The following CORO1B variants were observed in gnomAD, a reference collection of about 807,000 sequenced individuals.
CORO1B encodes the protein coronin 1B.
CORO1B carries 30 observed loss-of-function variants against 51.1 expected under a neutral mutation model. The ratio of observed to expected loss-of-function variants is 0.59; its 90% CI spans 0.44 to 0.80. The LOEUF (loss-of-function observed/expected upper bound fraction) is 0.80, where lower values mean the gene tolerates loss of function less well. Among genes scored for constraint, CORO1B ranks in the 30% least tolerant of loss-of-function variants. The pLI, the probability that CORO1B is intolerant of heterozygous loss-of-function variation, is 0.00. For synonymous variants in CORO1B, 310 were observed against 289.7 expected, an observed-to-expected ratio of 1.07 and a Z score of -0.71; for missense variants, 648 against 700.4, an observed-to-expected ratio of 0.93 and a Z score of 0.84.
Position 67,441,956 on chromosome 11 carries a change from T to C in CORO1B, c.324+10A>G. ...CCCACGACCCTGGCCCAGCCAGTCC[T>C]GTGCCTCACCATGACCGTGCAGTCC... On this transcript the variant is annotated intron_variant, in intron 3 of 10. Coordinates refer to ENST00000341356, the MANE Select transcript of CORO1B (RefSeq NM_020441.3). 6.2e-7 allele frequency: 1 copy of C among 1,613,118 alleles called. No homozygotes were observed. Among genetic ancestry groups the C allele is most frequent in the Non-Finnish European group, 8.5e-7 (1 of 1,179,986 alleles).
chr11:67,440,450 G>A lies in CORO1B; in HGVS notation c.757-11C>T, dbSNP rs1465597905. ...TTCCTCGAGGTTTTCCTGGCACATT[G>A]CAGGCAGTCAGGCCAAGCAGAACCT... On this transcript the variant is annotated splice_polypyrimidine_tract_variant and intron_variant, in intron 6 of 10. Transcript: ENST00000341356. 1 of 1,612,796 alleles carries A rather than the reference G, an allele frequency of 6.2e-7. No homozygotes were observed.
chr11:67,440,652 T>G, intron 6 of CORO1B: 1 of 687,236 alleles, frequency 1.5e-6, no homozygotes, highest in Admixed American at 2.1e-5. Flanking sequence ...TCCAGCCTCC[T>G]CCAGGCCTTA....
intron 9 of CORO1B, 133 bp from the exon 10 acceptor site, chr11:67,439,082 T>A: frequency 9.6e-7 from 1 of 1,039,386 alleles, no homozygotes; most frequent in Non-Finnish European, 1.4e-6. Flanking sequence ...ATCTGGCCTT[T>A]AACTTCCTTT....
In CORO1B at chr11:67,439,851, T is replaced by C. The variant is rs541854415; in HGVS notation, c.1008-8A>G. ...TCATGCAGTTTGTAGAACCTGGGGATGCAAGGAGGAGCCACGGGTGGAACC... is the reference window on the plus strand; with the variant it reads ...TCATGCAGTTTGTAGAACCTGGGGACGCAAGGAGGAGCCACGGGTGGAACC... On this transcript the variant is annotated splice_polypyrimidine_tract_variant and splice_region_variant and intron_variant, in intron 8 of 10. Coordinates refer to ENST00000341356, the MANE Select transcript of CORO1B (RefSeq NM_020441.3). 2.0e-5 allele frequency: 32 copies of C among 1,571,854 alleles called. No individual in the cohort carries two copies. The highest frequency in any genetic ancestry group is 2.8e-5 in the Non-Finnish European group (32 of 1,158,728).
Position 67,435,650 on chromosome 11 carries a change from G to T in CORO1B, c.*2726C>A. ...TGAGGCATGGTCATGTGGGCTGGGGGTCCAGTCCAGCCATGGCATCTTGGG... is the reference window on the plus strand; with the variant it reads ...TGAGGCATGGTCATGTGGGCTGGGGTTCCAGTCCAGCCATGGCATCTTGGG... On this transcript the variant is annotated 3_prime_UTR_variant, in exon 11 of 11. Coordinates refer to ENST00000341356, the MANE Select transcript of CORO1B (RefSeq NM_020441.3). 6.7e-7 allele frequency: 1 copy of T among 1,482,000 alleles called. No homozygotes were observed. Among genetic ancestry groups the T allele is most frequent in the South Asian group, 1.4e-5 (1 of 73,650 alleles). The allele number at this position is 1,482,000 out of a possible 1,614,324, so 91.8% of individuals were successfully genotyped here.
At chr11:67,439,033 A>T (rs572790581) in intron 9 of CORO1B, 84 bp from the exon 10 acceptor site, 1 of 1,435,270 alleles carries the variant, frequency 7.0e-7, no homozygotes, top group African/African-American at 1.4e-5. Flanking sequence ...CCAGGCTTGC[A>T]CTCTGTTAAC....
Position 67,442,536 on chromosome 11 carries a change from C to T in CORO1B, c.93G>A (p.Val31=). Residue 31 remains valine (V), a synonymous_variant, in exon 2 of 11, where the codon GTG becomes GTA. Transcript: ENST00000341356. The stretch of plus-strand genomic sequence containing the variant: ...AGGTGCTGTCCCAGGTAACACGGGA[C>T]ACGCGAATGTCCTCATAGCACTGGT... The part of the protein sequence containing the change: ...KNDQCYEDIR[V]SRVTWDSTFC... The T allele has an allele frequency of 6.2e-7, 1 of 1,613,838 alleles. No individual in the cohort carries two copies. Among genetic ancestry groups the T allele is most frequent in the South Asian group, 1.1e-5 (1 of 91,090 alleles).
upstream of CORO1B, chr11:67,443,719 CGCAGAGGCGCCGCAGGTGCGGGT>C: frequency 1.0e-6 from 1 of 985,114 alleles, no homozygotes; most frequent in South Asian, 4.7e-5. Context: ...CGGCGGCCGC[CGCAGAGGCGCCGCAGGTGCGGGT>C]GCAGCCTTAC....
rs756388414 is a variant in CORO1B at position 67,437,632 on chromosome 11, C to T, written c.*744G>A. On this transcript the variant is annotated 3_prime_UTR_variant, in exon 11 of 11. Coordinates refer to ENST00000341356, the MANE Select transcript of CORO1B (RefSeq NM_020441.3). The stretch of plus-strand genomic sequence containing the variant: ...CGAGGCTTACCATTGGTCCGCAGGC[C>T]CCTCCGTGCCGGGCACCCACCTCCA... 9.8e-5 allele frequency: 134 copies of T among 1,365,792 alleles called. 2 individuals are homozygous for T. The East Asian group carries it at 3.7e-3, about 38-fold the overall frequency. 84.6% of individuals were successfully genotyped at this position (1,365,792 alleles called of 1,614,324 possible). A position where few individuals can be genotyped will look rare whatever the true frequency, so the allele number is the denominator to read the frequency against.
At chr11:67,440,536 A>C in intron 6 of CORO1B, 97 bp from the exon 7 acceptor site, 1 of 1,108,686 alleles carries the variant, frequency 9.0e-7, no homozygotes, top group Non-Finnish European at 1.3e-6. Context: ...GCCAGCCAGC[A>C]CTGCCCCTAA....
chr11:67,441,545 G>A (rs781156261), intron 4 of CORO1B, 31 bp from the exon 5 acceptor site: 3 of 1,600,150 alleles, frequency 1.9e-6, no homozygotes, highest in Non-Finnish European at 2.6e-6. Flanking sequence ...GCTCGGGCCG[G>A]GTGGGTGGCA....
chr11:67,442,639 CAG>C lies in CORO1B; in HGVS notation c.-2-11_-2-10del. ...TTTGCGGAAGGACATGTCTGCGGGA[CAG>C]AGAGGCCTGGGTCAGTCCGGCCCAT... is the stretch of plus-strand genomic sequence containing the variant. On this transcript the variant is annotated splice_polypyrimidine_tract_variant and intron_variant, in intron 1 of 10. Coordinates refer to ENST00000341356, the MANE Select transcript of CORO1B (RefSeq NM_020441.3). The C allele has an allele frequency of 2.5e-6, 4 of 1,612,810 alleles. No homozygotes were observed. The highest frequency in any genetic ancestry group is 3.4e-6 in the Non-Finnish European group (4 of 1,179,632).
In CORO1B at chr11:67,443,413, C is replaced by A. The variant is rs895945891; in HGVS notation, c.-12G>T. ...GCCCTGCCGCGCTCACCGGGGGCAC[C>A]GGGGGCGCAGGGGGCTGCGGCACCG... On this transcript the variant is annotated 5_prime_UTR_variant, in exon 1 of 11. Coordinates refer to ENST00000341356, the MANE Select transcript of CORO1B (RefSeq NM_020441.3). 1.7e-4 allele frequency: 165 copies of A among 974,790 alleles called. No individual in the cohort carries two copies. In the African/African-American group the frequency reaches 2.7e-3, roughly 16 times the overall value. 60.4% of individuals were successfully genotyped at this position (974,790 alleles called of 1,614,324 possible).
At chr11:67,443,595 G>A (rs1014805925), upstream of CORO1B, 16 of 697,828 alleles carry the variant, frequency 2.3e-5, no homozygotes, top group Non-Finnish European at 2.6e-5. Context: ...GCGCCGGGGG[G>A]CCGGGAGCGG....
rs2135148837 is a variant in CORO1B, at chr11:67,442,637, G to C, written c.-2-7C>G. On this transcript the variant is annotated splice_region_variant and splice_polypyrimidine_tract_variant and intron_variant, in intron 1 of 10. Coordinates refer to ENST00000341356, the MANE Select transcript of CORO1B (RefSeq NM_020441.3). Reference sequence around the variant, plus strand: ...ACTTTGCGGAAGGACATGTCTGCGGGACAGAGAGGCCTGGGTCAGTCCGGC... The same window carrying C: ...ACTTTGCGGAAGGACATGTCTGCGGCACAGAGAGGCCTGGGTCAGTCCGGC... The C allele has an allele frequency of 1.2e-6, 2 of 1,613,042 alleles. No individual in the cohort carries two copies. Among genetic ancestry groups the C allele is most frequent in the Non-Finnish European group, 1.7e-6 (2 of 1,179,784 alleles).
chr11:67,438,465 G>T lies in CORO1B; in HGVS notation c.1381C>A (p.Arg461=), dbSNP rs1252641396. 3.1e-6 allele frequency: 5 copies of T among 1,610,642 alleles called. No homozygotes were observed. Among genetic ancestry groups the T allele is most frequent in the Non-Finnish European group, 4.2e-6 (5 of 1,178,364 alleles). The change falls in exon 11 of 11, where the codon CGG becomes AGG. Residue 461 remains arginine, a synonymous_variant. Transcript: ENST00000341356. ...GKLEEVMQEL[R]ALRALVKEQG... Reference sequence around the variant, plus strand: ...TCCTTGACCAGCGCCCTCAGGGCCCGCAGCTCCTGCATCACCTCCTCCAGC... The same window carrying T: ...TCCTTGACCAGCGCCCTCAGGGCCCTCAGCTCCTGCATCACCTCCTCCAGC...
In CORO1B at chr11:67,436,166, C is replaced by G. The variant is rs200586869; in HGVS notation, c.*2210G>C. The G allele has an allele frequency of 2.6e-6, 4 of 1,562,956 alleles. No individual in the cohort carries two copies. Among genetic ancestry groups the G allele is most frequent in the Non-Finnish European group, 3.5e-6 (4 of 1,154,478 alleles). ...ACCTAGGCGGGCCGGGTGGTAGTAGCCCCCTGAGTCACGGCTGAGGCGGCG... is the reference window on the plus strand; with the variant it reads ...ACCTAGGCGGGCCGGGTGGTAGTAGGCCCCTGAGTCACGGCTGAGGCGGCG... On this transcript the variant is annotated 3_prime_UTR_variant, in exon 11 of 11. Coordinates refer to ENST00000341356, the MANE Select transcript of CORO1B (RefSeq NM_020441.3).
rs1364913296 is a variant in CORO1B at position 67,441,430 on chromosome 11, T to C, written c.539A>G (p.Tyr180Cys). 6.2e-7 allele frequency: 1 copy of C among 1,613,792 alleles called. No homozygotes were observed. The highest frequency in any genetic ancestry group is 2.2e-5 in the East Asian group (1 of 44,900). The change falls in exon 5 of 11, where the codon TAC becomes TGC. Residue 180 changes from tyrosine (Y) to cysteine (C), a missense_variant. Transcript: ENST00000341356. Reference sequence around the variant, plus strand: ...GCCATTGTGGTTCCAGCTGACATTGTAGATGAGGTCAGGGTGCAGGCTGTC... The same window carrying C: ...GCCATTGTGGTTCCAGCTGACATTGCAGATGAGGTCAGGGTGCAGGCTGTC... ...RLDSLHPDLI[Y>C]NVSWNHNGSL...
chr11:67,442,839 T>G (rs948821823), intron 1 of CORO1B, among the ~76,000 whole-genome samples: 5 of 152,090 alleles, frequency 3.3e-5, no homozygotes, highest in African/African-American at 4.8e-5. Flanking sequence ...AGGTAAATGC[T>G]CCGGCCCTGA....
Sources: gnomAD v4.1 joint callset for allele counts (sites outside exome capture counted in the v4.1 genomes callset) on GRCh38, gnomAD v4.1.1 for gene constraint, MANE v1.5 for transcripts, NCBI Gene and HGNC (gene_info 2026-07-23, HGNC 2026-07-21) for gene names.